Variants in CD38 observed in about 807,000 individuals in gnomAD.
CD38 encodes CD38 molecule.
Under a neutral mutation model 36.3 loss-of-function variants are expected in CD38, and 31 were observed. The ratio of observed to expected loss-of-function variants is 0.85; its 90% CI spans 0.64 to 1.15. CD38 has a LOEUF of 1.15. CD38 is among the 50% of genes most tolerant of loss of function. The pLI is 0.00. For synonymous variants in CD38, 131 were observed against 135.2 expected, an observed-to-expected ratio of 0.97 and a Z score of 0.22; for missense variants, 380 against 371.9, an observed-to-expected ratio of 1.02 and a Z score of -0.18.
At chr4:15,780,991 C>T (rs972564506) in intron 1 of CD38, among the ~76,000 whole-genome samples, 6 of 152,100 alleles carry the variant, frequency 3.9e-5, no homozygotes, top group Admixed American at 3.9e-4. Flanking sequence ...GCCTGTAATC[C>T]CAGCTACTCT....
intron 1 of CD38, among the ~76,000 whole-genome samples, chr4:15,791,566 G>A (rs1381909880): frequency 8.2e-5 from 7 of 85,686 alleles, no homozygotes; most frequent in Non-Finnish European, 1.4e-4. Flanking sequence ...CGCCCCGTCC[G>A]GGAGGGAGGT....
intron 1 of CD38, among the ~76,000 whole-genome samples, chr4:15,799,556 TTGTA>T (rs2148918144): frequency 6.6e-6 from 1 of 152,356 alleles, no homozygotes; most frequent in Admixed American, 6.5e-5. Flanking sequence ...TTCATCCATG[TTGTA>T]TGTATTAATA....
intron 5 of CD38, 108 bp downstream of exon 5, chr4:15,838,273 A>G: frequency 1.1e-6 from 1 of 878,794 alleles, no homozygotes; most frequent in South Asian, 1.5e-5. Flanking sequence ...TCAGTTCTGA[A>G]GATTAGGGCC....
Position 15,825,086 on chromosome 4 carries a change from C to A in CD38, c.499+70C>A. ...GAACAGAGTGACTTCTGCTGGAGGC[C>A]CTGAATGATTAGTGTGGAGGACAGA... On this transcript the variant is annotated intron_variant, in intron 3 of 7. Transcript: ENST00000226279. The A allele has an allele frequency of 7.4e-6, 11 of 1,491,696 alleles. No individual in the cohort carries two copies. In the South Asian group the frequency reaches 1.2e-4, roughly 16 times the overall value. 92.4% of individuals were successfully genotyped at this position (1,491,696 alleles called of 1,614,324 possible). A position where few individuals can be genotyped will look rare whatever the true frequency, so the allele number is the denominator to read the frequency against.
At chr4:15,784,177 A>G (rs1157088293) in intron 1 of CD38, among the ~76,000 whole-genome samples, 1 of 152,208 alleles carries the variant, frequency 6.6e-6, no homozygotes, top group Non-Finnish European at 1.5e-5. Flanking sequence ...GCAGGGATGT[A>G]AGAAATGTAC....
rs750152985 is a variant in CD38, at chr4:15,824,991, A to C, written c.474A>C (p.Thr158=). 1 of 1,613,242 alleles carries C rather than the reference A, an allele frequency of 6.2e-7. No homozygotes were observed. The highest frequency in any genetic ancestry group is 1.3e-5 in the African/African-American group (1 of 74,982). Residue 158 remains threonine (T), a synonymous_variant, in exon 3 of 8, where the codon ACA becomes ACC. Coordinates refer to ENST00000226279, the MANE Select transcript of CD38 (RefSeq NM_001775.4). ...TLLGYLADDL[T]WCGEFNTSKI... ...TAGGCTACCTTGCTGATGACCTCAC[A>C]TGGTGTGGTGAATTCAACACTTCCA...
At chr4:15,806,039 A>G (rs1164517817) in intron 1 of CD38, among the ~76,000 whole-genome samples, 2 of 152,196 alleles carry the variant, frequency 1.3e-5, no homozygotes, top group African/African-American at 4.8e-5. Context: ...TGCTTAATTG[A>G]TGGGGACTTT....
At chr4:15,786,086 C>T (rs1254283087) in intron 1 of CD38, among the ~76,000 whole-genome samples, 4 of 152,134 alleles carry the variant, frequency 2.6e-5, no homozygotes, top group African/African-American at 4.8e-5. Flanking sequence ...TGCAGACTTT[C>T]GTGGTGAGTG....
At chr4:15,788,476 C>T (rs1428204994) in intron 1 of CD38, among the ~76,000 whole-genome samples, 2 of 151,010 alleles carry the variant, frequency 1.3e-5, no homozygotes, top group Non-Finnish European at 3.0e-5. Context: ...GACATATGAG[C>T]GCAGGTCCCC....
At chr4:15,811,948 T>C (rs1386100583) in intron 1 of CD38, among the ~76,000 whole-genome samples, 3 of 152,204 alleles carry the variant, frequency 2.0e-5, no homozygotes, top group Non-Finnish European at 2.9e-5. Context: ...TTAAAAATGT[T>C]TGGGCCCTCA....
intron 1 of CD38, among the ~76,000 whole-genome samples, chr4:15,803,236 A>G (rs191528513): frequency 1.3e-5 from 2 of 152,334 alleles, no homozygotes; most frequent in Admixed American, 6.5e-5. Flanking sequence ...GATTTTATGG[A>G]TAAGACCTCC....
intron 3 of CD38, among the ~76,000 whole-genome samples, chr4:15,831,570 T>G (rs1354277830): frequency 7.5e-6 from 1 of 134,112 alleles, no homozygotes; most frequent in East Asian, 2.9e-4. Context: ...AGTAAAAACT[T>G]TTTTTTTTGT....
intron 1 of CD38, among the ~76,000 whole-genome samples, chr4:15,815,371 T>C (rs1577648766): frequency 6.6e-6 from 1 of 152,254 alleles, no homozygotes; most frequent in South Asian, 2.1e-4. Context: ...TATGGCCATT[T>C]TCACAATATT....
chr4:15,791,059 C>T (rs1168717191), intron 1 of CD38, among the ~76,000 whole-genome samples: 2 of 132,800 alleles, frequency 1.5e-5, no homozygotes, highest in Non-Finnish European at 1.6e-5. Context: ...GGGGGTCAGC[C>T]CCCCGCCCGG....
intron 3 of CD38, 121 bp downstream of exon 3, chr4:15,825,137 T>A (rs1723821221): frequency 1.1e-6 from 1 of 877,108 alleles, no homozygotes; most frequent in South Asian, 1.7e-5. Flanking sequence ...CCTGATGCCA[T>A]CTATACTTAT....
At chr4:15,825,331 G>A (rs1723824836) in intron 3 of CD38, 1 of 302,452 alleles carries the variant, frequency 3.3e-6, no homozygotes, top group Non-Finnish European at 6.3e-6. Context: ...CATTTACAGA[G>A]ATCACATGGT....
Position 15,778,332 on chromosome 4 carries a change from T to C in CD38, c.-83T>C, listed in dbSNP as rs1722600021. 2.2e-6 allele frequency: 2 copies of C among 904,992 alleles called. No homozygotes were observed. Among genetic ancestry groups the C allele is most frequent in the Non-Finnish European group, 3.6e-6 (2 of 557,220 alleles). 56.1% of individuals were successfully genotyped at this position (904,992 alleles called of 1,614,324 possible). A position where few individuals can be genotyped will look rare whatever the true frequency, so the allele number is the denominator to read the frequency against. ...AAGTGAAACAGAAGGGGAGGTGCAG[T>C]TTCAGAACCCAGCCAGCCTCTCTCT... On this transcript the variant is annotated 5_prime_UTR_variant, in exon 1 of 8. Coordinates refer to ENST00000226279, the MANE Select transcript of CD38 (RefSeq NM_001775.4). The surrounding 1 kb of genome is among the most constrained non-coding windows in gnomAD (Gnocchi z 4.9).
At chr4:15,828,051 G>A (rs2148925446) in intron 3 of CD38, among the ~76,000 whole-genome samples, 1 of 152,248 alleles carries the variant, frequency 6.6e-6, no homozygotes, top group South Asian at 2.1e-4. Context: ...GTCTCACTCT[G>A]TCACCCAGGC....
intron 1 of CD38, among the ~76,000 whole-genome samples, chr4:15,804,952 T>C (rs1379275248): frequency 6.6e-6 from 1 of 152,136 alleles, no homozygotes; most frequent in Non-Finnish European, 1.5e-5. Flanking sequence ...TGATAAACCT[T>C]TGAGATAATG....
Sources: gnomAD v4.1 joint callset for allele counts (sites outside exome capture counted in the v4.1 genomes callset) on GRCh38, gnomAD v4.1.1 for gene constraint, Gnocchi (gnomAD v3.1) non-coding constraint, MANE v1.5 for transcripts, NCBI Gene and HGNC (gene_info 2026-07-23, HGNC 2026-07-21) for gene names.